The following WWOX variants were observed in gnomAD, a reference collection of about 807,000 sequenced individuals.
The protein encoded by WWOX is WW domain containing oxidoreductase, also known as WW domain-containing oxidoreductase.
In WWOX, 69 loss-of-function variants were observed where a neutral mutation model predicts 46.2. The ratio of observed to expected loss-of-function variants is 1.49; its 90% CI spans 1.23 to 1.82. The LOEUF (loss-of-function observed/expected upper bound fraction) is 1.82, where lower values mean the gene tolerates loss of function less well. Ranked by LOEUF, WWOX falls within the 40% of genes most tolerant of loss-of-function variation. The probability of loss-of-function intolerance (pLI) is 0.00; values close to 1 mark genes in which losing one functional copy is unlikely to be tolerated. For synonymous variants in WWOX, 359 were observed against 202.6 expected (o/e 1.77, Z -6.56); for missense variants, 919 against 542.6 (o/e 1.69, Z -6.89).
intron 8 of WWOX, among the ~76,000 whole-genome samples, chr16:78,975,697 C>T (rs1567452691): frequency 6.6e-6 from 1 of 152,134 alleles, no homozygotes; most frequent in Admixed American, 6.5e-5. Context: ...TGGGAATACA[C>T]CGCTCAGAGA....
In WWOX at chr16:78,374,182, C is replaced by G. The variant is rs112655208; in HGVS notation, c.517-12678C>G. On this transcript the variant is annotated intron_variant, in intron 5 of 8. Transcript: ENST00000566780. ...GTTGCTCATTTGGAAGCTAATGATT[C>G]TTTCCTCCCTTTCTTCCTTTCTGTC... Among the ~76,000 whole-genome samples, 4 of 152,310 alleles carry G rather than the reference C, an allele frequency of 2.6e-5. No homozygotes were observed. In the East Asian group the frequency reaches 7.7e-4, roughly 29 times the overall value.
At chr16:78,301,351 G>A (rs548234745) in intron 5 of WWOX, among the ~76,000 whole-genome samples, 4 of 152,284 alleles carry the variant, frequency 2.6e-5, no homozygotes, top group African/African-American at 9.6e-5. Context: ...GGGTTAGAGG[G>A]AAGGCTCCTT....
intron 8 of WWOX, among the ~76,000 whole-genome samples, chr16:78,612,945 C>T (rs1374431096): frequency 6.6e-6 from 1 of 152,146 alleles, no homozygotes; most frequent in Non-Finnish European, 1.5e-5. Flanking sequence ...TCCAGATGCT[C>T]TGGGGTCACT....
intron 8 of WWOX, among the ~76,000 whole-genome samples, chr16:79,200,093 C>T (rs542859401): frequency 4.4e-4 from 67 of 152,266 alleles, no homozygotes; most frequent in African/African-American, 1.5e-3. Flanking sequence ...CTCCTTTGCA[C>T]GAAGAGCAAT....
At chr16:78,909,025 G>C (rs1263819004) in intron 8 of WWOX, among the ~76,000 whole-genome samples, 2 of 152,172 alleles carry the variant, frequency 1.3e-5, no homozygotes, top group African/African-American at 4.8e-5. Context: ...TTGGGAAAGG[G>C]CTGTTATCAT....
intron 8 of WWOX, among the ~76,000 whole-genome samples, chr16:78,655,008 C>G (rs535382612): frequency 9.0e-4 from 137 of 152,248 alleles, no homozygotes; most frequent in African/African-American, 3.3e-3. Context: ...TCTGAGTTTA[C>G]ATTTTGTGTC....
intron 8 of WWOX, among the ~76,000 whole-genome samples, chr16:78,500,851 C>T (rs942389069): frequency 1.3e-5 from 2 of 152,172 alleles, no homozygotes; most frequent in African/African-American, 4.8e-5. Context: ...CTGTGCTGGG[C>T]CTGCTAGGAG....
intron 8 of WWOX, among the ~76,000 whole-genome samples, chr16:78,778,999 G>A (rs1203119497): frequency 1.3e-5 from 2 of 152,110 alleles, no homozygotes; most frequent in Non-Finnish European, 2.9e-5. Context: ...TCTATTTCAG[G>A]GGATGACCAG....
At chr16:78,161,832 A>G (rs1265606087) in intron 4 of WWOX, among the ~76,000 whole-genome samples, 1 of 152,144 alleles carries the variant, frequency 6.6e-6, no homozygotes, top group Non-Finnish European at 1.5e-5. Context: ...TGACTTATTA[A>G]AATCTAATAT....
chr16:79,161,834 T>C (rs970601870), intron 8 of WWOX, among the ~76,000 whole-genome samples: 1 of 152,216 alleles, frequency 6.6e-6, no homozygotes. Flanking sequence ...TTTTTCACTT[T>C]AAGAAATGCT....
chr16:78,434,755 T>C (rs1033484800), intron 8 of WWOX, among the ~76,000 whole-genome samples: 2 of 152,170 alleles, frequency 1.3e-5, no homozygotes, highest in African/African-American at 4.8e-5. Flanking sequence ...AGTCTGTGAC[T>C]ATGGAATTTG....
chr16:78,511,285 A>G lies in WWOX; in HGVS notation c.1056+78533A>G, dbSNP rs112975517. ...TCACCATGTCTTTTCCCTTCCGTCA[A>G]GCCTTTTAGCGGAGTTCACAGGGAT... On this transcript the variant is annotated intron_variant, in intron 8 of 8. Coordinates refer to ENST00000566780, the MANE Select transcript of WWOX (RefSeq NM_016373.4). Among the ~76,000 whole-genome samples, 591 of 152,324 alleles carry G rather than the reference A, an allele frequency of 3.9e-3. 3 individuals carry two copies. The highest frequency in any genetic ancestry group is 0.014 in the African/African-American group (567 of 41,574).
At chr16:78,923,126 G>T (rs758970416) in intron 8 of WWOX, among the ~76,000 whole-genome samples, 1 of 151,708 alleles carries the variant, frequency 6.6e-6, no homozygotes, top group Non-Finnish European at 1.5e-5. Flanking sequence ...GGATTACAGG[G>T]ATGTGCCACC....
chr16:78,712,301 A>T (rs553326667), intron 8 of WWOX, among the ~76,000 whole-genome samples: 1 of 152,248 alleles, frequency 6.6e-6, no homozygotes, highest in Admixed American at 6.5e-5. Flanking sequence ...CAAGAGATCG[A>T]AACCATCCTG....
intron 8 of WWOX, among the ~76,000 whole-genome samples, chr16:79,045,535 C>G (rs1171292351): frequency 1.3e-5 from 2 of 152,126 alleles, no homozygotes; most frequent in South Asian, 4.1e-4. Context: ...TTTCTCCATT[C>G]CTAGTCTCAT....
At chr16:78,104,496 C>G (rs1166173195) in intron 1 of WWOX, among the ~76,000 whole-genome samples, 1 of 152,010 alleles carries the variant, frequency 6.6e-6, no homozygotes, top group Non-Finnish European at 1.5e-5. Context: ...AGAATGAGAC[C>G]TTGTCTAAAA....
At chr16:78,569,349 C>G (rs1048649204) in intron 8 of WWOX, among the ~76,000 whole-genome samples, 1 of 152,146 alleles carries the variant, frequency 6.6e-6, no homozygotes. Flanking sequence ...ACTTGACATC[C>G]ACATTTGAGT....
rs149408819 is a variant in WWOX, at chr16:78,863,660, C to T, written c.1057-347948C>T. ...TTATTTACTCAGTGTTTCTGGAGCC[C>T]AGCATAGTGCCTCGCACACAGCAAG... On this transcript the variant is annotated intron_variant, in intron 8 of 8. Transcript: ENST00000566780. 2.1e-4 allele frequency among the ~76,000 whole-genome samples: 32 copies of T among 152,274 alleles called. No homozygotes were observed. The East Asian group carries it at 5.4e-3, about 26-fold the overall frequency.
At position 79,054,060 on chromosome 16, in the gene WWOX, C is replaced by G. The variant is rs767430724; in HGVS notation, c.1057-157548C>G. Among the ~76,000 whole-genome samples the G allele has an allele frequency of 3.7e-4, 56 of 152,016 alleles. 1 individual carries two copies. Among genetic ancestry groups the G allele is most frequent in the Non-Finnish European group, 4.3e-4 (29 of 68,004 alleles). On this transcript the variant is annotated intron_variant, in intron 8 of 8. Transcript: ENST00000566780. ...TTTTATTACCTCATTATAATTGATA[C>G]CTGCTCTCTGAGCCAATAAAAGAAG...
Sources: allele counts gnomAD v4.1 joint callset (sites outside exome capture counted in the v4.1 genomes callset), GRCh38; gene constraint gnomAD v4.1.1; transcripts MANE v1.5; gene names NCBI Gene and HGNC (gene_info 2026-07-23, HGNC 2026-07-21).